LRP6: variants seen among roughly 807,000 people sequenced by gnomAD.
LRP6 encodes the protein LDL receptor related protein 6.
Under a neutral mutation model 184.1 loss-of-function variants are expected in LRP6, and 43 were observed. That is an observed-to-expected ratio of 0.23 (90% CI 0.18 to 0.30). The LOEUF is 0.30. Among genes scored for constraint, LRP6 ranks in the 10% least tolerant of loss-of-function variants. LRP6 has a pLI of 1.00. For missense variants in LRP6, 1,571 were observed against 2,005.3 expected (o/e 0.78, Z 4.14); for synonymous variants, 719 against 684.9 (o/e 1.05, Z -0.78).
At chr12:12,251,134 T>C (rs1023750763) in intron 1 of LRP6, among the ~76,000 whole-genome samples, 2 of 152,154 alleles carry the variant, frequency 1.3e-5, no homozygotes, top group Admixed American at 6.5e-5. Context: ...GGTTTTGCCA[T>C]GTTAGCCAGG....
intron 2 of LRP6, among the ~76,000 whole-genome samples, chr12:12,234,064 C>T (rs541517665): frequency 3.3e-5 from 5 of 151,962 alleles, no homozygotes; most frequent in African/African-American, 9.6e-5. Flanking sequence ...CCGAGGCAGG[C>T]GGATCACAAG....
rs1028206806 is a variant in LRP6, at chr12:12,116,488, C to T, written c.*4638G>A. 2.0e-5 allele frequency: 3 copies of T among 152,104 alleles called. No homozygotes were observed. Among genetic ancestry groups the T allele is most frequent in the East Asian group, 1.9e-4 (1 of 5,196 alleles). The allele number at this position is 152,104 out of a possible 1,614,324, so 9.4% of individuals were successfully genotyped here. On this transcript the variant is annotated 3_prime_UTR_variant, in exon 23 of 23. Transcript: ENST00000261349. ...GACTTTAAAAATTTTCCCTTTAATA[C>T]CCATATTTAGGCATTAGATATATAG...
intron 7 of LRP6, among the ~76,000 whole-genome samples, chr12:12,171,897 A>G (rs1489064831): frequency 6.6e-6 from 1 of 152,216 alleles, no homozygotes; most frequent in Admixed American, 6.5e-5. Flanking sequence ...TCCATTTCTC[A>G]TATTCCTGTA....
chr12:12,184,800 A>C (rs1863429420), intron 4 of LRP6, among the ~76,000 whole-genome samples: 1 of 152,224 alleles, frequency 6.6e-6, no homozygotes, highest in Admixed American at 6.5e-5. Context: ...AAGCAGAAAA[A>C]AGGGGAAAAT....
At chr12:12,199,269 G>A (rs1233873211) in intron 3 of LRP6, among the ~76,000 whole-genome samples, 2 of 152,040 alleles carry the variant, frequency 1.3e-5, no homozygotes, top group African/African-American at 2.4e-5. Context: ...AAAGGAACAG[G>A]ACCACCAGCA....
At chr12:12,157,025 G>A (rs1005258503) in intron 12 of LRP6, among the ~76,000 whole-genome samples, 2 of 152,178 alleles carry the variant, frequency 1.3e-5, no homozygotes, top group African/African-American at 4.8e-5. Flanking sequence ...GGCGAGAGCT[G>A]GGCAGAGTTC....
chr12:12,138,311 C>T lies in LRP6; in HGVS notation c.3607+14G>A. The T allele has an allele frequency of 6.3e-7, 1 of 1,594,092 alleles. No homozygotes were observed. The highest frequency in any genetic ancestry group is 8.6e-7 in the Non-Finnish European group (1 of 1,161,758). ...CATGATTCCTCCAATTAGCTTTATC[C>T]CATTAACACTTACTGTATTCTTGAA... On this transcript the variant is annotated intron_variant, in intron 16 of 22. Coordinates refer to ENST00000261349, the MANE Select transcript of LRP6 (RefSeq NM_002336.3).
At chr12:12,193,267 A>G (rs1231747809) in intron 3 of LRP6, among the ~76,000 whole-genome samples, 1 of 151,914 alleles carries the variant, frequency 6.6e-6, no homozygotes, top group Non-Finnish European at 1.5e-5. Context: ...ACTAGAAAAG[A>G]AGAGAGATTA....
intron 2 of LRP6, among the ~76,000 whole-genome samples, chr12:12,230,961 T>C (rs1327341729): frequency 6.6e-6 from 1 of 151,820 alleles, no homozygotes; most frequent in African/African-American, 2.4e-5. Context: ...GGTGGGCAGA[T>C]CACAAGGTCA....
intron 7 of LRP6, among the ~76,000 whole-genome samples, chr12:12,177,139 C>G (rs1863211455): frequency 6.6e-6 from 1 of 152,140 alleles, no homozygotes; most frequent in Non-Finnish European, 1.5e-5. Context: ...AGCCACCGCG[C>G]CCGGCCAACC....
At chr12:12,151,478 G>GAAA (rs200629196) in intron 12 of LRP6, among the ~76,000 whole-genome samples, 2 of 94,554 alleles carry the variant, frequency 2.1e-5, no homozygotes, top group Admixed American at 1.1e-4. Context: ...CCCATCTAAG[G>GAAA]AAAAAAAAAA....
chr12:12,241,948 T>C (rs145972349), intron 2 of LRP6, among the ~76,000 whole-genome samples: 1 of 152,304 alleles, frequency 6.6e-6, no homozygotes, highest in East Asian at 1.9e-4. Context: ...ATGGCGAAAT[T>C]ACTTCAGAAG....
rs527417185 is a variant in LRP6 at position 12,188,030 on chromosome 12, T to A, written c.648-911A>T. On this transcript the variant is annotated intron_variant, in intron 3 of 22. Coordinates refer to ENST00000261349, the MANE Select transcript of LRP6 (RefSeq NM_002336.3). Reference sequence around the variant, plus strand: ...TTCAAGACCAGCCTGGCCAAGATGGTAAAACCCCATCTCTACTAAAAATAC... The same window carrying A: ...TTCAAGACCAGCCTGGCCAAGATGGAAAAACCCCATCTCTACTAAAAATAC... Among the ~76,000 whole-genome samples the A allele has an allele frequency of 1.2e-4, 18 of 151,730 alleles. No homozygotes were observed. In the East Asian group the frequency reaches 3.5e-3, roughly 29 times the overall value.
At chr12:12,161,710 G>T (rs965843854) in intron 10 of LRP6, among the ~76,000 whole-genome samples, 2 of 152,138 alleles carry the variant, frequency 1.3e-5, no homozygotes, top group Admixed American at 1.3e-4. Context: ...ATTCTATCTT[G>T]TAATAACAAA....
chr12:12,264,416 G>T (rs1211363501), intron 1 of LRP6, among the ~76,000 whole-genome samples: 3 of 152,140 alleles, frequency 2.0e-5, no homozygotes, highest in Non-Finnish European at 4.4e-5. Flanking sequence ...CAAGATTTTA[G>T]TATTGAAATT....
In LRP6 at chr12:12,266,949, C is replaced by G. The variant is rs914796390; in HGVS notation, c.-214G>C. 4 of 564,528 alleles carry G rather than the reference C, an allele frequency of 7.1e-6. No homozygotes were observed. In the African/African-American group the frequency reaches 8.1e-5, roughly 11 times the overall value. 35.0% of individuals were successfully genotyped at this position (564,528 alleles called of 1,614,324 possible). A position where few individuals can be genotyped will look rare whatever the true frequency, so the allele number is the denominator to read the frequency against. On this transcript the variant is annotated 5_prime_UTR_variant, in exon 1 of 23. Coordinates refer to ENST00000261349, the MANE Select transcript of LRP6 (RefSeq NM_002336.3). ...CGGCCCCGGGCTCGCGCGACGCCAG[C>G]GTCTGCTTCCATCCCGCCGCCTCCT...
intron 3 of LRP6, among the ~76,000 whole-genome samples, chr12:12,202,169 A>G (rs965920200): frequency 6.6e-6 from 1 of 152,248 alleles, no homozygotes; most frequent in Non-Finnish European, 1.5e-5. Flanking sequence ...TTGAACACTG[A>G]AATGTATGGT....
intron 2 of LRP6, among the ~76,000 whole-genome samples, chr12:12,213,134 C>T (rs1864252750): frequency 6.6e-6 from 1 of 152,112 alleles, no homozygotes. Flanking sequence ...CTGATACTTT[C>T]TTCCCTAAGG....
intron 2 of LRP6, among the ~76,000 whole-genome samples, chr12:12,218,020 G>T (rs573062364): frequency 8.4e-4 from 128 of 152,230 alleles, no homozygotes; most frequent in African/African-American, 2.8e-3. Flanking sequence ...GAAAAAAACA[G>T]ATCAGACTTC....
Sources: allele counts gnomAD v4.1 joint callset (sites outside exome capture counted in the v4.1 genomes callset), GRCh38; gene constraint gnomAD v4.1.1; transcripts MANE v1.5; gene names NCBI Gene and HGNC (gene_info 2026-07-23, HGNC 2026-07-21).